Variants in POR observed in about 807,000 individuals in gnomAD.
POR encodes NADPH--cytochrome P450 reductase.
Under a neutral mutation model 84.0 loss-of-function variants are expected in POR, and 56 were observed. That is an observed-to-expected ratio of 0.67 (90% CI 0.54 to 0.83). The LOEUF is 0.83. Among genes scored for constraint, POR ranks in the 40% least tolerant of loss-of-function variants. The pLI is 0.00. For synonymous variants in POR, 414 were observed against 400.5 expected, an observed-to-expected ratio of 1.03 and a Z score of -0.40; for missense variants, 938 against 944.3, an observed-to-expected ratio of 0.99 and a Z score of 0.09.
chr7:75,920,350 C>T (rs543704463), intron 1 of POR, among the ~76,000 whole-genome samples: 21 of 152,140 alleles, frequency 1.4e-4, no homozygotes, highest in Admixed American at 9.2e-4. Flanking sequence ...GATTACCAGG[C>T]GTGAGCCACC....
At chr7:75,937,324 T>G (rs542987412) in intron 1 of POR, among the ~76,000 whole-genome samples, 1 of 149,316 alleles carries the variant, frequency 6.7e-6, no homozygotes, top group Admixed American at 6.7e-5. Context: ...AACCAAAAAT[T>G]AGCCAGGCAT....
intron 3 of POR, among the ~76,000 whole-genome samples, chr7:75,977,101 C>T (rs941947380): frequency 6.6e-6 from 1 of 152,180 alleles, no homozygotes; most frequent in Non-Finnish European, 1.5e-5. Context: ...CATCCTCTTA[C>T]CTCGGCCTCC....
At chr7:75,917,380 C>CTTTTTTTTTTTTT (rs199962786) in intron 1 of POR, among the ~76,000 whole-genome samples, 1 of 125,982 alleles carries the variant, frequency 7.9e-6, no homozygotes, top group African/African-American at 4.0e-5. Flanking sequence ...CTTATTTCTT[C>CTTTTTTTTTTTTT]TTCTTTTTTT....
At position 75,980,479 on chromosome 7, in the gene POR, C is replaced by T. The variant is rs1788950742; in HGVS notation, c.507C>T (p.Val169=). The T allele has an allele frequency of 6.2e-7, 1 of 1,612,918 alleles. No individual in the cohort carries two copies. The highest frequency in any genetic ancestry group is 1.3e-5 in the African/African-American group (1 of 74,996). Residue 169 remains valine (V), a synonymous_variant, in exon 5 of 16, where the codon GTC becomes GTT. Coordinates refer to ENST00000461988, the MANE Select transcript of POR (RefSeq NM_000941.3). Reference sequence around the variant, plus strand: ...AGACAGACGTGGATCTCTCTGGGGTCAAGTTCGCGGTGAGTCACCCAGAGA... The same window carrying T: ...AGACAGACGTGGATCTCTCTGGGGTTAAGTTCGCGGTGAGTCACCCAGAGA...
intron 1 of POR, chr7:75,923,017 T>C (rs1806951892): frequency 1.5e-6 from 1 of 674,082 alleles, no homozygotes; most frequent in Admixed American, 2.2e-5. Flanking sequence ...TTCCTTGGCC[T>C]TTGTTGTACG....
chr7:75,951,326 G>A (rs558851529), intron 1 of POR, among the ~76,000 whole-genome samples: 280 of 150,444 alleles, frequency 1.9e-3, no homozygotes, highest in African/African-American at 6.6e-3. Flanking sequence ...CCCAGGAGGC[G>A]GAGGTTGCAG....
In POR at chr7:75,985,690, G is replaced by A. The variant is rs563243612; in HGVS notation, c.1510G>A (p.Gly504Arg). The A allele has an allele frequency of 7.5e-6, 12 of 1,592,544 alleles. No individual in the cohort carries two copies. The East Asian group carries it at 1.1e-4, about 15-fold the overall frequency. ...CTGGCTGCGGGCCAAGGAGCCTGCCGGGGAGAACGGCGGCCGTGCGCTGGT... is the reference window on the plus strand; with the variant it reads ...CTGGCTGCGGGCCAAGGAGCCTGCCAGGGAGAACGGCGGCCGTGCGCTGGT... The change falls in exon 13 of 16, where the codon GGG (glycine) becomes AGG (arginine). Residue 504 changes from glycine to arginine, a missense_variant. Physicochemically the swap from Gly to Arg is moderately radical, Grantham distance 125 (BLOSUM62 -2). Coordinates refer to ENST00000461988, the MANE Select transcript of POR (RefSeq NM_000941.3).
rs782746344 is a variant in POR at position 75,981,594 on chromosome 7, G to A, written c.719G>A (p.Gly240Asp). 1.1e-4 allele frequency: 184 copies of A among 1,612,890 alleles called. No individual in the cohort carries two copies. The highest frequency in any genetic ancestry group is 1.5e-4 in the Non-Finnish European group (178 of 1,179,652). Residue 240 changes from glycine to aspartate, a missense_variant, in exon 7 of 16, where the codon GGC (glycine) becomes GAC (aspartate). Gly to Asp is a moderately conservative substitution (Grantham distance 94). Coordinates refer to ENST00000461988, the MANE Select transcript of POR (RefSeq NM_000941.3). ...GAACACTTTGGGGTGGAAGCCACTGGCGAGGAGTCCAGGTGAGCAAGTGCC... is the reference window on the plus strand; with the variant it reads ...GAACACTTTGGGGTGGAAGCCACTGACGAGGAGTCCAGGTGAGCAAGTGCC...
At chr7:75,985,308 T>A in intron 12 of POR, 101 bp downstream of exon 12, 1 of 1,390,038 alleles carries the variant, frequency 7.2e-7, no homozygotes, top group South Asian at 1.5e-5. Flanking sequence ...ATCTGAGCCC[T>A]GAGCTCCAGT....
Position 75,984,927 on chromosome 7 carries a change from G to T in POR, c.1217G>T (p.Arg406Leu). ...GAGCCCTCGGAGCAGGAGCTGCTGC[G>T]CAAGATGGCCTCCTCCTCCGGCGAG... The change falls in exon 11 of 16, where the codon CGC becomes CTC. Residue 406 changes from arginine to leucine, a missense_variant. Physicochemically the swap from Arg to Leu is moderately radical, Grantham distance 102. Coordinates refer to ENST00000461988, the MANE Select transcript of POR (RefSeq NM_000941.3). 6.2e-7 allele frequency: 1 copy of T among 1,602,594 alleles called. No homozygotes were observed. Among genetic ancestry groups the T allele is most frequent in the Non-Finnish European group, 8.5e-7 (1 of 1,172,266 alleles).
chr7:75,919,380 TGC>T (rs1208390317), intron 1 of POR, among the ~76,000 whole-genome samples: 2 of 145,232 alleles, frequency 1.4e-5, no homozygotes, highest in Middle Eastern at 3.4e-3. Flanking sequence ...CATCTGTGCG[TGC>T]GTGTGTGTGT....
intron 1 of POR, among the ~76,000 whole-genome samples, chr7:75,936,668 G>A (rs963838142): frequency 1.3e-5 from 2 of 151,992 alleles, no homozygotes; most frequent in African/African-American, 2.4e-5. Context: ...GTGTGGGCAG[G>A]GGGTTGGGGG....
intron 2 of POR, chr7:75,968,355 T>G (rs1554555653): frequency 6.6e-6 from 3 of 452,722 alleles, no homozygotes; most frequent in Non-Finnish European, 1.4e-5. Context: ...GCCCCTCTGG[T>G]CCAGGACTTG....
At chr7:75,955,718 AC>A (rs1370447766) in intron 2 of POR, among the ~76,000 whole-genome samples, 1 of 152,042 alleles carries the variant, frequency 6.6e-6, no homozygotes, top group Non-Finnish European at 1.5e-5. Context: ...CTTAGCTTGC[AC>A]CCCAGGGCCA....
At chr7:75,972,347 C>CGTCCCGTGACACCTGT in intron 2 of POR, 66 bp from the exon 3 acceptor site, 1 of 1,419,148 alleles carries the variant, frequency 7.0e-7, no homozygotes, top group Non-Finnish European at 9.8e-7. Flanking sequence ...AGGACACCCA[C>CGTCCCGTGACACCTGT]GTCCCGTGAC....
In POR at chr7:75,980,323, G is replaced by A. The variant is rs367798990; in HGVS notation, c.367-16G>A. 1.2e-6 allele frequency: 2 copies of A among 1,610,610 alleles called. No homozygotes were observed. The highest frequency in any genetic ancestry group is 2.7e-5 in the African/African-American group (2 of 74,884). ...TCAGTCATGGCCGGGGCGCGGTCCT[G>A]TCCCTGTTTCTGCAGGCCGACCTGA... On this transcript the variant is annotated splice_polypyrimidine_tract_variant and intron_variant, in intron 4 of 15. Transcript: ENST00000461988.
intron 1 of POR, 104 bp from the exon 2 acceptor site, chr7:75,953,885 T>C (rs1787562914): frequency 3.3e-6 from 3 of 911,468 alleles, no homozygotes; most frequent in Non-Finnish European, 4.9e-6. Context: ...GACCATTTCC[T>C]GCAGCCCCAG....
chr7:75,931,773 C>T (rs1554550168), intron 1 of POR, among the ~76,000 whole-genome samples: 1 of 152,140 alleles, frequency 6.6e-6, no homozygotes, highest in East Asian at 1.9e-4. Context: ...TCAGGAAGCC[C>T]TCCTTAACCA....
At position 75,985,659 on chromosome 7, in the gene POR, C is replaced by G. The variant is rs781939968; in HGVS notation, c.1479C>G (p.Ala493=). ...CTGGCCGCATCAACAAGGGCGTGGC[C>G]ACCAACTGGCTGCGGGCCAAGGAGC... The change falls in exon 13 of 16, where the codon GCC becomes GCG. Residue 493 remains alanine, a synonymous_variant. Coordinates refer to ENST00000461988, the MANE Select transcript of POR (RefSeq NM_000941.3). 1 of 1,594,484 alleles carries G rather than the reference C, an allele frequency of 6.3e-7. No homozygotes were observed. The highest frequency in any genetic ancestry group is 8.5e-7 in the Non-Finnish European group (1 of 1,171,796).
Sources: allele counts gnomAD v4.1 joint callset (sites outside exome capture counted in the v4.1 genomes callset), GRCh38; gene constraint gnomAD v4.1.1; transcripts MANE v1.5; gene names NCBI Gene and HGNC (gene_info 2026-07-23, HGNC 2026-07-21).